DAB2IP: variants seen among roughly 807,000 people sequenced by gnomAD.
The protein encoded by DAB2IP is DAB2 interacting protein, also known as disabled homolog 2-interacting protein.
Under a neutral mutation model 107.2 loss-of-function variants are expected in DAB2IP, and 28 were observed. The ratio of observed to expected loss-of-function variants is 0.26; its 90% CI spans 0.19 to 0.36. The LOEUF is 0.36. DAB2IP is among the 10% of genes least tolerant of loss of function. DAB2IP has a pLI of 1.00. For missense variants in DAB2IP, 1,400 were observed against 1,644.7 expected, an observed-to-expected ratio of 0.85 and a Z score of 2.57; for synonymous variants, 755 against 706.4, an observed-to-expected ratio of 1.07 and a Z score of -1.09.
At chr9:121,623,092 A>G (rs1194623573) in intron 1 of DAB2IP, among the ~76,000 whole-genome samples, 1 of 152,078 alleles carries the variant, frequency 6.6e-6, no homozygotes, top group African/African-American at 2.4e-5. Flanking sequence ...TTAAGAGAGC[A>G]ATTTTGCTCT....
intron 3 of DAB2IP, among the ~76,000 whole-genome samples, chr9:121,725,747 GC>G (rs1361755223): frequency 6.6e-6 from 1 of 152,192 alleles, no homozygotes; most frequent in East Asian, 1.9e-4. Flanking sequence ...TTTTGGGCAT[GC>G]CAGGTAGTTG....
chr9:121,617,873 A>T (rs1831333631), intron 1 of DAB2IP, among the ~76,000 whole-genome samples: 1 of 152,002 alleles, frequency 6.6e-6, no homozygotes, highest in Admixed American at 6.6e-5. Context: ...CTCACGTGGG[A>T]GGGGAGCCGG....
At position 121,772,811 on chromosome 9, in the gene DAB2IP, A is replaced by G. The variant is rs757402621; in HGVS notation, c.2283A>G (p.Ala761=). 1 of 1,610,220 alleles carries G rather than the reference A, an allele frequency of 6.2e-7. No individual in the cohort carries two copies. Among genetic ancestry groups the G allele is most frequent in the South Asian group, 1.1e-5 (1 of 90,860 alleles). ...ACGCCCGCACGCTGGATGGGGAGGC[A>G]GGCTCCCCGGCGGGCCCCGACGTCC... Residue 761 remains alanine, a synonymous_variant, in exon 12 of 16, where the codon GCA becomes GCG. Coordinates refer to ENST00000408936, the Ensembl canonical transcript of DAB2IP. This position sits in a 1 kb window ranked among gnomAD's most constrained non-coding sequence, Gnocchi z 4.7.
intron 1 of DAB2IP, among the ~76,000 whole-genome samples, chr9:121,658,108 C>T (rs1178595468): frequency 2.0e-5 from 3 of 152,134 alleles, no homozygotes; most frequent in Non-Finnish European, 4.4e-5. Flanking sequence ...GAGAGAATGG[C>T]GATTCAACTC....
At chr9:121,663,452 C>T (rs1469806752) in intron 1 of DAB2IP, among the ~76,000 whole-genome samples, 1 of 152,138 alleles carries the variant, frequency 6.6e-6, no homozygotes, top group African/African-American at 2.4e-5. Context: ...CCCCCGAGTG[C>T]TCTATGTTGA....
rs539161975 is a variant in DAB2IP at position 121,736,915 on chromosome 9, T to A, written c.363-20098T>A. Among the ~76,000 whole-genome samples the A allele has an allele frequency of 6.6e-6, 1 of 152,212 alleles. No homozygotes were observed. Among genetic ancestry groups the A allele is most frequent in the African/African-American group, 2.4e-5 (1 of 41,526 alleles). ...AGAAACAAACAAGATGACTTCAGGG[T>A]AGTTCTGTGGAGAAAATGAAGCAGG... On this transcript the variant is annotated intron_variant, in intron 3 of 15. Transcript: ENST00000408936. This position sits in a 1 kb window ranked among gnomAD's most constrained non-coding sequence, Gnocchi z 4.6.
intron 1 of DAB2IP, among the ~76,000 whole-genome samples, chr9:121,660,699 T>C (rs1833164770): frequency 1.3e-5 from 2 of 152,348 alleles, no homozygotes; most frequent in South Asian, 4.1e-4. Context: ...CCATTTCACT[T>C]CAGTAACCCA....
At position 121,772,565 on chromosome 9, in the gene DAB2IP, T is replaced by C; in HGVS notation, c.2079-42T>C. 6.4e-7 allele frequency: 1 copy of C among 1,574,232 alleles called. No homozygotes were observed. The highest frequency in any genetic ancestry group is 1.2e-5 in the South Asian group (1 of 83,588). ...CCGCCTTGGCTGCACTCACAGTTCT[T>C]CTTTTCCCCTTCTTTCCCTGTGTGT... On this transcript the variant is annotated intron_variant, in intron 11 of 15. Coordinates refer to ENST00000408936, the Ensembl canonical transcript of DAB2IP. This position sits in a 1 kb window ranked among gnomAD's most constrained non-coding sequence, Gnocchi z 4.7.
At chr9:121,606,114 G>A (rs887157277) in intron 1 of DAB2IP, among the ~76,000 whole-genome samples, 6 of 152,156 alleles carry the variant, frequency 3.9e-5, no homozygotes, top group African/African-American at 1.2e-4. Flanking sequence ...AAGCCAAGGC[G>A]GGGGATCACC....
At chr9:121,752,874 C>G (rs1833221284) in intron 3 of DAB2IP, 1 of 152,260 alleles carries the variant, frequency 6.6e-6, no homozygotes, top group Non-Finnish European at 1.5e-5. Flanking sequence ...CTGGGTGAAG[C>G]AAGCCACCTT....
intron 3 of DAB2IP, among the ~76,000 whole-genome samples, chr9:121,704,982 G>C (rs536033211): frequency 5.3e-4 from 80 of 152,352 alleles, no homozygotes; most frequent in Admixed American, 1.3e-3. Context: ...ACCGGCCCAG[G>C]AGCACATGAT....
intron 1 of DAB2IP, among the ~76,000 whole-genome samples, chr9:121,677,970 C>T (rs932003101): frequency 1.3e-5 from 2 of 152,108 alleles, no homozygotes; most frequent in Non-Finnish European, 2.9e-5. Context: ...CCTTTTTCCC[C>T]CCTTTTTAAA....
chr9:121,764,120 A>T (rs913770224), intron 8 of DAB2IP, among the ~76,000 whole-genome samples: 5 of 152,202 alleles, frequency 3.3e-5, no homozygotes, highest in East Asian at 3.9e-4. Flanking sequence ...AGCGCCCTTC[A>T]TGTGCCGGGG....
chr9:121,568,811 CA>C (rs1829866212), intron 1 of DAB2IP, among the ~76,000 whole-genome samples: 2 of 152,228 alleles, frequency 1.3e-5, no homozygotes, highest in African/African-American at 4.8e-5. Context: ...CAGGAACCCA[CA>C]GTCCCCACTT....
intron 13 of DAB2IP, among the ~76,000 whole-genome samples, chr9:121,775,617 T>C (rs563794666): frequency 2.2e-4 from 33 of 152,194 alleles, no homozygotes; most frequent in Non-Finnish European, 4.0e-4. Flanking sequence ...TCCCTGATGG[T>C]TGGGGTCTGT....
At chr9:121,774,489 G>A in intron 13 of DAB2IP, 77 bp downstream of exon 13, 1 of 1,461,924 alleles carries the variant, frequency 6.8e-7, no homozygotes, top group African/African-American at 1.4e-5. Context: ...TCTCCCCCAG[G>A]TCCCCCAGCA....
Position 121,688,545 on chromosome 9 carries a change from T to C in DAB2IP, c.228+9764T>C, listed in dbSNP as rs80296584. 3.3e-5 allele frequency among the ~76,000 whole-genome samples: 5 copies of C among 152,274 alleles called. No homozygotes were observed. The East Asian group carries it at 9.7e-4, about 29-fold the overall frequency. On this transcript the variant is annotated intron_variant, in intron 2 of 15. Coordinates refer to ENST00000408936, the Ensembl canonical transcript of DAB2IP. ...TCTACCCACAATTCCTCCCCATCTC[T>C]CTCTGTCTCCAGAGCTCACTAGTGC...
intron 1 of DAB2IP, among the ~76,000 whole-genome samples, chr9:121,580,360 G>C (rs931128101): frequency 7.9e-5 from 12 of 152,198 alleles, no homozygotes; most frequent in Non-Finnish European, 1.3e-4. Context: ...AGGTGGGAAG[G>C]AGAAGATGCT....
At chr9:121,652,436 G>C (rs915582701) in intron 1 of DAB2IP, among the ~76,000 whole-genome samples, 1 of 152,158 alleles carries the variant, frequency 6.6e-6, no homozygotes, top group East Asian at 1.9e-4. Flanking sequence ...CGAGACGGAG[G>C]GGGAGGTGCG....
Sources: allele counts gnomAD v4.1 joint callset (sites outside exome capture counted in the v4.1 genomes callset), GRCh38; gene constraint gnomAD v4.1.1; non-coding constraint Gnocchi (gnomAD v3.1); transcripts MANE v1.5; gene names NCBI Gene and HGNC (gene_info 2026-07-23, HGNC 2026-07-21).